Variants in RAB11FIP3 observed in about 807,000 individuals in gnomAD.
RAB11FIP3 encodes the protein rab11 family-interacting protein 3.
RAB11FIP3 carries 17 observed loss-of-function variants against 77.8 expected under a neutral mutation model. The ratio of observed to expected loss-of-function variants is 0.22; its 90% confidence interval spans 0.15 to 0.33. RAB11FIP3 has a LOEUF of 0.33. RAB11FIP3 is among the 10% of genes least tolerant of loss of function. RAB11FIP3 has a pLI of 1.00. For synonymous variants in RAB11FIP3, 437 were observed against 448.2 expected, an observed-to-expected ratio of 0.98 and a Z score of 0.31; for missense variants, 1,005 against 1,011.2, an observed-to-expected ratio of 0.99 and a Z score of 0.08.
chr16:440,714 A>G (rs1441093852), intron 1 of RAB11FIP3, among the ~76,000 whole-genome samples: 1 of 152,234 alleles, frequency 6.6e-6, no homozygotes, highest in African/African-American at 2.4e-5. Context: ...ACTTCTGAAA[A>G]TGCTGTGTGA....
intron 3 of RAB11FIP3, among the ~76,000 whole-genome samples, chr16:474,241 T>C (rs181945882): frequency 3.9e-4 from 59 of 152,216 alleles, no homozygotes; most frequent in Admixed American, 7.9e-4. Context: ...GGTTGATTGG[T>C]TGATTGATTG....
intron 7 of RAB11FIP3, 145 bp downstream of exon 7, chr16:503,242 C>T (rs2031631025): frequency 3.2e-6 from 2 of 621,788 alleles, no homozygotes; most frequent in South Asian, 2.2e-5. Context: ...ACTGTCCATC[C>T]AGCCCCGATG....
rs1176123984 is a variant in RAB11FIP3, at chr16:471,266, C to T, written c.809-29C>T. On this transcript the variant is annotated intron_variant, in intron 2 of 13. Coordinates refer to ENST00000262305, the MANE Select transcript of RAB11FIP3 (RefSeq NM_014700.4). This position sits in a 1 kb window ranked among gnomAD's most constrained non-coding sequence, Gnocchi z 4.4. ...CCGTCACTGGGTGGCTATGGGTGGC[C>T]TGTTGAGCACGAGGTCTTCTCCCTG... The T allele has an allele frequency of 1.3e-6, 2 of 1,593,082 alleles. No homozygotes were observed. Among genetic ancestry groups the T allele is most frequent in the African/African-American group, 1.3e-5 (1 of 74,390 alleles).
intron 1 of RAB11FIP3, among the ~76,000 whole-genome samples, chr16:429,231 C>T (rs2054998112): frequency 6.6e-6 from 1 of 152,108 alleles, no homozygotes; most frequent in Admixed American, 6.6e-5. Context: ...ACTCACTACC[C>T]CCAGATGATT....
At chr16:466,292 C>T (rs1211429161) in intron 2 of RAB11FIP3, among the ~76,000 whole-genome samples, 7 of 152,182 alleles carry the variant, frequency 4.6e-5, no homozygotes, top group African/African-American at 4.8e-5. Context: ...GCTCAGATCC[C>T]TCTGCAGGGT....
At chr16:487,298 T>C (rs1437818019) in intron 4 of RAB11FIP3, among the ~76,000 whole-genome samples, 1 of 151,994 alleles carries the variant, frequency 6.6e-6, no homozygotes, top group Non-Finnish European at 1.5e-5. Context: ...CCCCAGGTAA[T>C]TTTTTGTATT....
At chr16:460,654 G>C (rs1228440275) in intron 1 of RAB11FIP3, among the ~76,000 whole-genome samples, 3 of 152,160 alleles carry the variant, frequency 2.0e-5, no homozygotes, top group African/African-American at 7.2e-5. Context: ...ACTCTGCAGA[G>C]CCAGGAAGGC....
intron 1 of RAB11FIP3, among the ~76,000 whole-genome samples, chr16:442,441 G>T (rs552150520): frequency 6.6e-6 from 1 of 152,322 alleles, no homozygotes; most frequent in African/African-American, 2.4e-5. Flanking sequence ...CCCTCGTGAA[G>T]GGGGTTGCTA....
intron 9 of RAB11FIP3, among the ~76,000 whole-genome samples, chr16:518,240 G>A (rs1441646561): frequency 1.3e-5 from 2 of 152,136 alleles, no homozygotes; most frequent in Non-Finnish European, 2.9e-5. Flanking sequence ...CACTATGCTC[G>A]GCTAATTTTT....
intron 4 of RAB11FIP3, among the ~76,000 whole-genome samples, chr16:485,159 C>T (rs1285622849): frequency 2.0e-5 from 3 of 152,072 alleles, no homozygotes; most frequent in Non-Finnish European, 4.4e-5. Flanking sequence ...ACTGCTCAGC[C>T]CGGCTGTTGT....
At chr16:476,558 A>C (rs1465024596) in intron 3 of RAB11FIP3, among the ~76,000 whole-genome samples, 1 of 152,158 alleles carries the variant, frequency 6.6e-6, no homozygotes, top group Non-Finnish European at 1.5e-5. Context: ...CTTAGGGTCC[A>C]CACTGGCCAG....
At chr16:437,235 G>A (rs1455651978) in intron 1 of RAB11FIP3, among the ~76,000 whole-genome samples, 3 of 151,646 alleles carry the variant, frequency 2.0e-5, no homozygotes, top group Admixed American at 6.6e-5. Context: ...GCAAGATCGC[G>A]CCACTGCACT....
chr16:481,285 TGGATCACCTGA>T (rs1481096918), intron 3 of RAB11FIP3, among the ~76,000 whole-genome samples: 1 of 151,488 alleles, frequency 6.6e-6, no homozygotes, highest in African/African-American at 2.4e-5. Context: ...CTGAGGTGGG[TGGATCACCTGA>T]GGTAAGGAGT....
At chr16:446,461 T>A (rs986361176) in intron 1 of RAB11FIP3, among the ~76,000 whole-genome samples, 7 of 152,168 alleles carry the variant, frequency 4.6e-5, no homozygotes, top group Non-Finnish European at 7.4e-5. Context: ...CAGGCTGTCT[T>A]CCAGGTGGCC....
In RAB11FIP3 at chr16:425,734, G is replaced by C; in HGVS notation, c.-273G>C. Reference sequence around the variant, plus strand: ...CCGTCCCCCGGCCTCCTCGGCCCCCGTCCCCCGCCATCCGCCGCCCGGATC... The same window carrying C: ...CCGTCCCCCGGCCTCCTCGGCCCCCCTCCCCCGCCATCCGCCGCCCGGATC... On this transcript the variant is annotated 5_prime_UTR_variant, in exon 1 of 14. Transcript: ENST00000262305. 3.3e-6 allele frequency: 1 copy of C among 298,568 alleles called. No individual in the cohort carries two copies. Among genetic ancestry groups the C allele is most frequent in the Non-Finnish European group, 6.1e-6 (1 of 163,446 alleles). 18.5% of individuals were successfully genotyped at this position (298,568 alleles called of 1,614,324 possible). A position where few individuals can be genotyped will look rare whatever the true frequency, so the allele number is the denominator to read the frequency against.
At position 489,578 on chromosome 16, in the gene RAB11FIP3, G is replaced by A. The variant is rs114247262; in HGVS notation, c.1265+578G>A. On this transcript the variant is annotated intron_variant, in intron 5 of 13. Coordinates refer to ENST00000262305, the MANE Select transcript of RAB11FIP3 (RefSeq NM_014700.4). ...ACGTGGGAGTCAGTCCCTCTAGGAC[G>A]CTCCTGACTTCAGGGAGACCCTGGG... 5.3e-3 allele frequency among the ~76,000 whole-genome samples: 800 copies of A among 152,256 alleles called. 4 individuals carry two copies. Among genetic ancestry groups the A allele is most frequent in the Middle Eastern group, 0.017 (5 of 294 alleles).
chr16:490,649 A>G (rs751077203), intron 5 of RAB11FIP3, among the ~76,000 whole-genome samples: 2 of 152,190 alleles, frequency 1.3e-5, no homozygotes, highest in Non-Finnish European at 2.9e-5. Flanking sequence ...AAAAATCACA[A>G]AACTATTGTA....
chr16:456,656 G>A (rs1057261247), intron 1 of RAB11FIP3, among the ~76,000 whole-genome samples: 1 of 152,114 alleles, frequency 6.6e-6, no homozygotes, highest in Non-Finnish European at 1.5e-5. Context: ...TACTTGGGAG[G>A]CTGAGGCAGG....
chr16:492,450 G>GCCCTCCCGGGAGACCCGAGGCCGTCCAGA lies in RAB11FIP3; in HGVS notation c.1265+3450_1265+3451insCCCTCCCGGGAGACCCGAGGCCGTCCAGA, dbSNP rs1567392309. Among the ~76,000 whole-genome samples, 10 of 68,598 alleles carry GCCCTCCCGGGAGACCCGAGGCCGTCCAGA rather than the reference G, an allele frequency of 1.5e-4. 2 individuals are homozygous for GCCCTCCCGGGAGACCCGAGGCCGTCCAGA. The highest frequency in any genetic ancestry group is 9.6e-4 in the African/African-American group (10 of 10,384). The allele number at this position is 68,598 out of a possible 152,430, so 45.0% of individuals were successfully genotyped here. A position where few individuals can be genotyped will look rare whatever the true frequency, so the allele number is the denominator to read the frequency against. On this transcript the variant is annotated intron_variant, in intron 5 of 13. Coordinates refer to ENST00000262305, the MANE Select transcript of RAB11FIP3 (RefSeq NM_014700.4). ...CCCCGGGAGACCCGAGGCCGCCCAG[G>GCCCTCCCGGGAGACCCGAGGCCGTCCAGA]GCCCTTCCCGGGGAGACCCGAGGCC...
Sources: gnomAD v4.1 joint callset for allele counts (sites outside exome capture counted in the v4.1 genomes callset) on GRCh38, gnomAD v4.1.1 for gene constraint, Gnocchi (gnomAD v3.1) non-coding constraint, MANE v1.5 for transcripts, NCBI Gene and HGNC (gene_info 2026-07-23, HGNC 2026-07-21) for gene names.